STAT4: variants seen among roughly 807,000 people sequenced by gnomAD.
STAT4 encodes signal transducer and activator of transcription 4.
Under a neutral mutation model 110.5 loss-of-function variants are expected in STAT4, and 42 were observed. The observed-to-expected ratio is 0.38, with a 90% CI of 0.30 to 0.49. The LOEUF is 0.49. Ranked by LOEUF, STAT4 falls within the 20% of genes least tolerant of loss-of-function variation. STAT4 has a pLI of 0.95. For missense variants in STAT4, 632 were observed against 887.9 expected (o/e 0.71, Z 3.66); for synonymous variants, 284 against 302.2 (o/e 0.94, Z 0.63).
At chr2:191,057,602 C>CTT (rs112604744) in intron 13 of STAT4, among the ~76,000 whole-genome samples, 26 of 98,574 alleles carry the variant, frequency 2.6e-4, no homozygotes, top group East Asian at 5.5e-4. Flanking sequence ...TTTTCTTTTT[C>CTT]TTTTTTTTTT....
intron 14 of STAT4, among the ~76,000 whole-genome samples, chr2:191,052,039 A>C (rs555935042): frequency 6.6e-6 from 1 of 152,356 alleles, no homozygotes; most frequent in South Asian, 2.1e-4. Flanking sequence ...CTCACAGATA[A>C]GCAATAGCAA....
chr2:191,060,405 T>A lies in STAT4; in HGVS notation c.1034+1324A>T, dbSNP rs1056989356. Among the ~76,000 whole-genome samples the A allele has an allele frequency of 2.6e-5, 4 of 152,204 alleles. No individual in the cohort carries two copies. The highest frequency in any genetic ancestry group is 4.4e-5 in the Non-Finnish European group (3 of 68,042). On this transcript the variant is annotated intron_variant, in intron 10 of 23. Coordinates refer to ENST00000392320, the MANE Select transcript of STAT4 (RefSeq NM_003151.4). The surrounding 1 kb of genome is among the most constrained non-coding windows in gnomAD (Gnocchi z 4.5). ...ATTTTTGAGAAGAATGCTTATTTTT[T>A]ATTTTACTTTATTATTCTGTTTTAT...
chr2:191,052,043 A>G (rs894117634), intron 14 of STAT4, among the ~76,000 whole-genome samples: 10 of 152,362 alleles, frequency 6.6e-5, no homozygotes, highest in Non-Finnish European at 1.2e-4. Context: ...CAGATAAGCA[A>G]TAGCAACTTT....
rs1343712696 is a variant in STAT4 at position 191,033,278 on chromosome 2, C to T, written c.1853-129G>A. 1.7e-6 allele frequency: 2 copies of T among 1,154,092 alleles called. No individual in the cohort carries two copies. The highest frequency in any genetic ancestry group is 3.1e-5 in the African/African-American group (2 of 63,910). The allele number at this position is 1,154,092 out of a possible 1,614,324, so 71.5% of individuals were successfully genotyped here. ...AGTTCATGTCACTTCAATGTCAGAC[C>T]TTCTGCTGTCTGGACAGTATAGATT... On this transcript the variant is annotated intron_variant, in intron 20 of 23. Coordinates refer to ENST00000392320, the MANE Select transcript of STAT4 (RefSeq NM_003151.4). This position sits in a 1 kb window ranked among gnomAD's most constrained non-coding sequence, Gnocchi z 6.9.
rs527564707 is a variant in STAT4 at position 191,106,721 on chromosome 2, A to G, written c.274-30396T>C. On this transcript the variant is annotated intron_variant, in intron 3 of 23. Coordinates refer to ENST00000392320, the MANE Select transcript of STAT4 (RefSeq NM_003151.4). Reference sequence around the variant, plus strand: ...ATAAAAAAATGTACTCAATTTGAATAGCTCTCTGGGGAAAAATGTGCATGA... The same window carrying G: ...ATAAAAAAATGTACTCAATTTGAATGGCTCTCTGGGGAAAAATGTGCATGA... Among the ~76,000 whole-genome samples, 10 of 151,274 alleles carry G rather than the reference A, an allele frequency of 6.6e-5. No homozygotes were observed. In the South Asian group the frequency reaches 2.1e-3, roughly 32 times the overall value.
At chr2:191,055,619 T>G (rs1008038407) in intron 13 of STAT4, among the ~76,000 whole-genome samples, 1 of 151,204 alleles carries the variant, frequency 6.6e-6, no homozygotes, top group South Asian at 2.1e-4. Context: ...TCCCAAAGTG[T>G]TGGGATTACA....
rs1699489648 is a variant in STAT4, at chr2:191,147,510, A to G, written c.128+566T>C. ...GGTGATTGCCAGGGGTTGGGGGTGG[A>G]GGACTAGGGAGTTACTGTTTAAAGA... On this transcript the variant is annotated intron_variant, in intron 2 of 23. Coordinates refer to ENST00000392320, the MANE Select transcript of STAT4 (RefSeq NM_003151.4). The surrounding 1 kb of genome is among the most constrained non-coding windows in gnomAD (Gnocchi z 4.1). Among the ~76,000 whole-genome samples, 1 of 152,124 alleles carries G rather than the reference A, an allele frequency of 6.6e-6. No homozygotes were observed. Among genetic ancestry groups the G allele is most frequent in the African/African-American group, 2.4e-5 (1 of 41,438 alleles).
rs1484995818 is a variant in STAT4 at position 191,059,365 on chromosome 2, G to A, written c.1035-596C>T. 6.6e-6 allele frequency among the ~76,000 whole-genome samples: 1 copy of A among 152,012 alleles called. No homozygotes were observed. The highest frequency in any genetic ancestry group is 2.4e-5 in the African/African-American group (1 of 41,368). The stretch of plus-strand genomic sequence containing the variant: ...TATAAAAATTCCTTTAATTCCTTCT[G>A]GTGTCAGCCCATCCTTTATTCTTTT... On this transcript the variant is annotated intron_variant, in intron 10 of 23. Transcript: ENST00000392320. This position sits in a 1 kb window ranked among gnomAD's most constrained non-coding sequence, Gnocchi z 4.7.
chr2:191,112,422 T>C lies in STAT4; in HGVS notation c.273+34191A>G, dbSNP rs1484559721. On this transcript the variant is annotated intron_variant, in intron 3 of 23. Coordinates refer to ENST00000392320, the MANE Select transcript of STAT4 (RefSeq NM_003151.4). The surrounding 1 kb of genome is among the most constrained non-coding windows in gnomAD (Gnocchi z 4.3). ...TGAGGATATAATGAGGTAATGAAAG[T>C]AGCACTGTGTACCAGTGTATCTAGT... Among the ~76,000 whole-genome samples, 1 of 152,204 alleles carries C rather than the reference T, an allele frequency of 6.6e-6. No individual in the cohort carries two copies. The highest frequency in any genetic ancestry group is 1.5e-5 in the Non-Finnish European group (1 of 68,044).
At chr2:191,041,516 A>T (rs759605414) in intron 14 of STAT4, 3 of 152,398 alleles carry the variant, frequency 2.0e-5, no homozygotes, top group African/African-American at 7.2e-5. Context: ...AGGTATACAG[A>T]TACAAGTCTT....
chr2:191,078,505 T>A (rs1394825465), intron 3 of STAT4, among the ~76,000 whole-genome samples: 1 of 152,194 alleles, frequency 6.6e-6, no homozygotes, highest in South Asian at 2.1e-4. Context: ...CTCACTTAAA[T>A]GTATGAACAA....
At position 191,058,797 on chromosome 2, in the gene STAT4, C is replaced by A. The variant is rs747654640; in HGVS notation, c.1035-28G>T. 3.5e-6 allele frequency: 5 copies of A among 1,426,072 alleles called. No homozygotes were observed. The South Asian group carries it at 6.4e-5, about 18-fold the overall frequency. The allele number at this position is 1,426,072 out of a possible 1,614,324, so 88.3% of individuals were successfully genotyped here. A position where few individuals can be genotyped will look rare whatever the true frequency, so the allele number is the denominator to read the frequency against. On this transcript the variant is annotated intron_variant, in intron 10 of 23. Transcript: ENST00000392320. The surrounding 1 kb of genome is among the most constrained non-coding windows in gnomAD (Gnocchi z 4.3). ...GGAAAGAGATATCAATAAAAAAAAT[C>A]AAAGATAAAAATTAAAAGTGTTTAA... is the stretch of plus-strand genomic sequence containing the variant.
At position 191,113,821 on chromosome 2, in the gene STAT4, A is replaced by AC. The variant is rs1698493543; in HGVS notation, c.273+32791_273+32792insG. On this transcript the variant is annotated intron_variant, in intron 3 of 23. Transcript: ENST00000392320. This position sits in a 1 kb window ranked among gnomAD's most constrained non-coding sequence, Gnocchi z 4.8. ...TTGTACAGGGAGTACTCCCAAGAGT[A>AC]GCAGAGAACATTACAGAAATGTTAC... Among the ~76,000 whole-genome samples the AC allele has an allele frequency of 1.3e-5, 2 of 152,250 alleles. No individual in the cohort carries two copies. The highest frequency in any genetic ancestry group is 3.8e-4 in the East Asian group (2 of 5,202).
chr2:191,103,150 G>T (rs956955606), intron 3 of STAT4, among the ~76,000 whole-genome samples: 1 of 152,098 alleles, frequency 6.6e-6, no homozygotes, highest in Non-Finnish European at 1.5e-5. Context: ...TTCATAAGAT[G>T]GAGTAGATCA....
chr2:191,069,477 G>C (rs1315646304), intron 6 of STAT4, among the ~76,000 whole-genome samples: 2 of 151,972 alleles, frequency 1.3e-5, no homozygotes, highest in African/African-American at 4.8e-5. Context: ...ACTTGGAATT[G>C]GTTGGATATA....
At chr2:191,089,660 A>G (rs970801090) in intron 3 of STAT4, among the ~76,000 whole-genome samples, 8 of 152,204 alleles carry the variant, frequency 5.3e-5, no homozygotes, top group Non-Finnish European at 1.2e-4. Flanking sequence ...CAACCAAGAT[A>G]TCCTCAAATA....
intron 6 of STAT4, chr2:191,068,684 G>C (rs1697060987): frequency 6.6e-6 from 1 of 152,046 alleles, no homozygotes; most frequent in African/African-American, 2.4e-5. Context: ...ATAGCACAGA[G>C]TTCTCATATA....
chr2:191,041,051 C>A lies in STAT4; in HGVS notation c.1335+14G>T. ...ATGCCATTAGTAAATAGTGTATGTT[C>A]TTGAAACACCTACCTCCAAATCTAT... On this transcript the variant is annotated intron_variant, in intron 15 of 23. Coordinates refer to ENST00000392320, the MANE Select transcript of STAT4 (RefSeq NM_003151.4). 7.1e-7 allele frequency: 1 copy of A among 1,414,916 alleles called. No individual in the cohort carries two copies. The allele number at this position is 1,414,916 out of a possible 1,614,324, so 87.6% of individuals were successfully genotyped here.
Position 191,039,365 on chromosome 2 carries a change from C to T in STAT4, c.1336-68G>A, listed in dbSNP as rs896932275. The T allele has an allele frequency of 7.0e-6, 10 of 1,429,422 alleles. No homozygotes were observed. The African/African-American group carries it at 8.4e-5, about 12-fold the overall frequency. The allele number at this position is 1,429,422 out of a possible 1,614,324, so 88.5% of individuals were successfully genotyped here. A position where few individuals can be genotyped will look rare whatever the true frequency, so the allele number is the denominator to read the frequency against. The stretch of plus-strand genomic sequence containing the variant: ...ACCTTACATTGATCTTATGCTTGAC[C>T]CTCGCCTCTAAAGGGCCAATCTCAA... On this transcript the variant is annotated intron_variant, in intron 15 of 23. Transcript: ENST00000392320. This position sits in a 1 kb window ranked among gnomAD's most constrained non-coding sequence, Gnocchi z 4.7.
Sources: allele counts gnomAD v4.1 joint callset (sites outside exome capture counted in the v4.1 genomes callset), GRCh38; gene constraint gnomAD v4.1.1; non-coding constraint Gnocchi (gnomAD v3.1); transcripts MANE v1.5; gene names NCBI Gene and HGNC (gene_info 2026-07-23, HGNC 2026-07-21).